The following RRAGD variants were observed in gnomAD, a reference collection of about 807,000 sequenced individuals.
The protein encoded by RRAGD is ras-related GTP-binding protein D.
A neutral mutation model predicts 35.5 loss-of-function variants in RRAGD; 12 were observed. The observed-to-expected ratio is 0.34, with a 90% CI of 0.22 to 0.55. The LOEUF (loss-of-function observed/expected upper bound fraction) is 0.55, where lower values mean the gene tolerates loss of function less well. Among genes scored for constraint, RRAGD ranks in the 20% least tolerant of loss-of-function variants. The pLI, the probability that RRAGD is intolerant of heterozygous loss-of-function variation, is 0.91. For synonymous variants in RRAGD, 155 were observed against 178.9 expected (o/e 0.87, Z 1.07); for missense variants, 324 against 490.1 (o/e 0.66, Z 3.20).
chr6:89,405,186 TA>T (rs771730339), intron 1 of RRAGD, among the ~76,000 whole-genome samples: 1 of 150,610 alleles, frequency 6.6e-6, no homozygotes, highest in Non-Finnish European at 1.5e-5. Context: ...CCGTCTCTAC[TA>T]AAAAAAATAC....
intron 1 of RRAGD, among the ~76,000 whole-genome samples, chr6:89,403,440 G>C (rs1212411063): frequency 6.7e-6 from 1 of 149,938 alleles, no homozygotes; most frequent in Non-Finnish European, 1.5e-5. Flanking sequence ...GCAAGACTCT[G>C]TCAAAAAAAA....
At chr6:89,379,868 A>C (rs1356234196) in intron 3 of RRAGD, among the ~76,000 whole-genome samples, 1 of 152,222 alleles carries the variant, frequency 6.6e-6, no homozygotes, top group Admixed American at 6.5e-5. Flanking sequence ...AGAACTGTAA[A>C]CTTTAGCATC....
At chr6:89,385,640 G>T (rs1019173996) in intron 2 of RRAGD, among the ~76,000 whole-genome samples, 11 of 152,196 alleles carry the variant, frequency 7.2e-5, no homozygotes, top group African/African-American at 2.7e-4. Flanking sequence ...CCCTGGACGT[G>T]GTGCAGGTAA....
intron 1 of RRAGD, among the ~76,000 whole-genome samples, chr6:89,399,930 C>G (rs1179618118): frequency 6.6e-6 from 1 of 152,064 alleles, no homozygotes; most frequent in East Asian, 1.9e-4. Context: ...ACAAACTTCA[C>G]CGGCCCAGTG....
At chr6:89,383,815 T>G (rs1207401454) in intron 2 of RRAGD, among the ~76,000 whole-genome samples, 2 of 152,014 alleles carry the variant, frequency 1.3e-5, no homozygotes, top group African/African-American at 4.8e-5. Context: ...GAGAACAAAA[T>G]AGTATTGCTT....
At position 89,389,483 on chromosome 6, in the gene RRAGD, G is replaced by C. The variant is rs373058091; in HGVS notation, c.149-1893C>G. On this transcript the variant is annotated intron_variant, in intron 1 of 6. Transcript: ENST00000369415. ...AGGCAGGAGAATGGCATGAACCTGG[G>C]AGGCGGAGCTTGCAGTGGGCCGAGA... 2.1e-4 allele frequency among the ~76,000 whole-genome samples: 32 copies of C among 150,470 alleles called. 1 individual carries two copies. The East Asian group carries it at 6.1e-3, about 29-fold the overall frequency.
At chr6:89,390,363 T>A (rs1046211513) in intron 1 of RRAGD, among the ~76,000 whole-genome samples, 1 of 152,144 alleles carries the variant, frequency 6.6e-6, no homozygotes, top group African/African-American at 2.4e-5. Flanking sequence ...AGGATGCGAA[T>A]AGACATTTCT....
At chr6:89,406,139 C>T (rs1426805026) in intron 1 of RRAGD, among the ~76,000 whole-genome samples, 7 of 152,102 alleles carry the variant, frequency 4.6e-5, no homozygotes, top group Non-Finnish European at 1.5e-5. Flanking sequence ...ATGATAAATA[C>T]CACATATGAA....
Position 89,379,266 on chromosome 6 carries a change from TG to T in RRAGD, c.716del (p.Pro239HisfsTer10). ...AFSKVVQKLIPQLPTLENLLN... is the reference protein window; with the variant it reads ...AFSKVVQKLIXQLPTLENLLN... The stretch of plus-strand genomic sequence containing the variant: ...GCAAATTCTCCAGAGTTGGGAGTTG[TG>T]GAATCAGTTTCTGAACAACTTTGCT... On this transcript the variant is annotated frameshift_variant, in exon 4 of 7. Transcript: ENST00000369415. LOFTEE classifies it high-confidence loss of function. The T allele has an allele frequency of 6.2e-7, 1 of 1,604,828 alleles. No homozygotes were observed. Among genetic ancestry groups the T allele is most frequent in the Non-Finnish European group, 8.5e-7 (1 of 1,173,952 alleles).
At chr6:89,405,092 T>A (rs1769550685) in intron 1 of RRAGD, among the ~76,000 whole-genome samples, 1 of 152,160 alleles carries the variant, frequency 6.6e-6, no homozygotes, top group Non-Finnish European at 1.5e-5. Flanking sequence ...GGCTCACACC[T>A]GTAATCCCAG....
chr6:89,376,539 G>C (rs540139562), intron 5 of RRAGD, among the ~76,000 whole-genome samples: 2 of 152,230 alleles, frequency 1.3e-5, no homozygotes, highest in East Asian at 3.9e-4. Context: ...ATACAATACA[G>C]ATAGCAACAC....
Position 89,412,025 on chromosome 6 carries a change from C to T in RRAGD, c.-32G>A, listed in dbSNP as rs1769713711. The T allele has an allele frequency of 2.6e-6, 4 of 1,514,394 alleles. No homozygotes were observed. The African/African-American group carries it at 5.6e-5, about 21-fold the overall frequency. 93.8% of individuals were successfully genotyped at this position (1,514,394 alleles called of 1,614,324 possible). ...CACCGGCCGGCCGGCCCGGGGACGG[C>T]GGGGGTCCCGGGGTGGGGGCCAAGC... On this transcript the variant is annotated 5_prime_UTR_variant, in exon 1 of 7. Coordinates refer to ENST00000369415, the MANE Select transcript of RRAGD (RefSeq NM_021244.5). This position sits in a 1 kb window ranked among gnomAD's most constrained non-coding sequence, Gnocchi z 4.2.
chr6:89,368,683 T>C (rs16881774), intron 6 of RRAGD, among the ~76,000 whole-genome samples: 26,677 of 152,128 alleles, frequency 0.18, 2,528 homozygotes, highest in African/African-American at 0.2. Flanking sequence ...ACCATTCTCA[T>C]AAGCCCGAGG....
At chr6:89,392,581 T>C (rs1004532009) in intron 1 of RRAGD, among the ~76,000 whole-genome samples, 1 of 152,192 alleles carries the variant, frequency 6.6e-6, no homozygotes, top group Non-Finnish European at 1.5e-5. Context: ...CATGTCTTTT[T>C]CTCTGGTCTA....
intron 1 of RRAGD, among the ~76,000 whole-genome samples, chr6:89,399,686 A>G (rs575848873): frequency 6.6e-6 from 1 of 152,110 alleles, no homozygotes; most frequent in Non-Finnish European, 1.5e-5. Context: ...AGGCTGAGAT[A>G]GGAGGATCAC....
At chr6:89,369,112 C>G (rs1005615446) in intron 6 of RRAGD, among the ~76,000 whole-genome samples, 1 of 142,850 alleles carries the variant, frequency 7.0e-6, no homozygotes, top group African/African-American at 2.5e-5. Context: ...AGTTATACAA[C>G]TAACTGCAAG....
intron 1 of RRAGD, among the ~76,000 whole-genome samples, chr6:89,394,020 A>G (rs1769286565): frequency 6.6e-6 from 1 of 152,250 alleles, no homozygotes; most frequent in Non-Finnish European, 1.5e-5. Context: ...ACTGGAAAGT[A>G]TGAAATCAAA....
intron 1 of RRAGD, among the ~76,000 whole-genome samples, chr6:89,388,597 GAC>G (rs1323465634): frequency 2.0e-5 from 3 of 152,202 alleles, no homozygotes; most frequent in African/African-American, 7.2e-5. Context: ...GGACAGCACA[GAC>G]ACAGAACAGC....
chr6:89,391,228 T>C (rs1009124139), intron 1 of RRAGD, among the ~76,000 whole-genome samples: 5 of 151,334 alleles, frequency 3.3e-5, no homozygotes, highest in African/African-American at 1.2e-4. Flanking sequence ...CTACAAAAAC[T>C]TTAAAAATTA....
Sources: gnomAD v4.1 joint callset for allele counts (sites outside exome capture counted in the v4.1 genomes callset) on GRCh38, gnomAD v4.1.1 for gene constraint, Gnocchi (gnomAD v3.1) non-coding constraint, MANE v1.5 for transcripts, NCBI Gene and HGNC (gene_info 2026-07-23, HGNC 2026-07-21) for gene names.